Variants in RARB observed in about 807,000 individuals in gnomAD.
RARB encodes the protein HBV-activated protein.
RARB carries 17 observed loss-of-function variants against 51.9 expected under a neutral mutation model. The ratio of observed to expected loss-of-function variants is 0.33; its 90% CI spans 0.22 to 0.49. The LOEUF (loss-of-function observed/expected upper bound fraction) is 0.49, where lower values mean the gene tolerates loss of function less well. Among genes scored for constraint, RARB ranks in the 20% least tolerant of loss-of-function variants. RARB has a pLI of 0.99. For missense variants in RARB, 369 were observed against 550.8 expected (o/e 0.67, Z 3.30); for synonymous variants, 215 against 195.4 (o/e 1.10, Z -0.84).
chr3:25,034,782 A>G lies in RARB; in HGVS notation c.-379-25343A>G, dbSNP rs1281473500. 2.0e-5 allele frequency among the ~76,000 whole-genome samples: 3 copies of G among 152,170 alleles called. No homozygotes were observed. In the East Asian group the frequency reaches 5.8e-4, roughly 29 times the overall value. On this transcript the variant is annotated intron_variant, in intron 2 of 11. Transcript: ENST00000383772. ...TTGAAACATTTTTAATCAATTATCA[A>G]CCCTTAAAAATGGGAGATTTTGTGT...
chr3:25,438,198 AGAGT>A (rs1708512855), intron 1 of RARB, among the ~76,000 whole-genome samples: 1 of 152,150 alleles, frequency 6.6e-6, no homozygotes, highest in Non-Finnish European at 1.5e-5. Flanking sequence ...ATTCCGAGAG[AGAGT>A]GTTTCGAGAG....
chr3:24,916,656 G>A lies in RARB; in HGVS notation c.-380+57904G>A, dbSNP rs755437373. Among the ~76,000 whole-genome samples the A allele has an allele frequency of 2.0e-5, 3 of 151,268 alleles. No individual in the cohort carries two copies. The South Asian group carries it at 6.3e-4, about 32-fold the overall frequency. ...ACTGGAAATCTTCTGTGTTGCTCAT[G>A]TGAGTATAAAAGGGTATAACCATTT... On this transcript the variant is annotated intron_variant, in intron 2 of 11. Coordinates refer to the RARB transcript ENST00000383772.
intron 3 of RARB, among the ~76,000 whole-genome samples, chr3:25,525,206 A>G (rs1698595277): frequency 6.6e-6 from 1 of 152,196 alleles, no homozygotes; most frequent in Non-Finnish European, 1.5e-5. Context: ...ACACTCAAAG[A>G]TCTAGCTCAG....
chr3:25,553,894 C>G (rs1364967113), intron 3 of RARB, among the ~76,000 whole-genome samples: 2 of 152,122 alleles, frequency 1.3e-5, no homozygotes, highest in African/African-American at 4.8e-5. Flanking sequence ...TTAAACAGTA[C>G]TCGGCCCAGA....
At chr3:24,906,438 T>C (rs902830498) in intron 2 of RARB, among the ~76,000 whole-genome samples, 2 of 152,174 alleles carry the variant, frequency 1.3e-5, no homozygotes, top group Admixed American at 6.5e-5. Flanking sequence ...AAGACCAGGA[T>C]AGTTGAGATT....
chr3:25,265,345 A>G (rs745509266), intron 5 of RARB, among the ~76,000 whole-genome samples: 1 of 152,226 alleles, frequency 6.6e-6, no homozygotes, highest in Non-Finnish European at 1.5e-5. Context: ...ATGTTGATAA[A>G]TACATACATA....
chr3:24,872,077 T>A (rs1054158262), intron 2 of RARB, among the ~76,000 whole-genome samples: 14 of 152,144 alleles, frequency 9.2e-5, no homozygotes, highest in African/African-American at 3.4e-4. Context: ...TCATGACACT[T>A]CTTAAAGTCC....
intron 2 of RARB, among the ~76,000 whole-genome samples, chr3:25,489,895 C>T (rs66875718): frequency 0.049 from 7,388 of 152,296 alleles, 189 homozygotes; most frequent in East Asian, 0.064. Flanking sequence ...GTGTAGAGGT[C>T]GATACTCTTA....
chr3:24,917,125 G>C (rs577258441), intron 2 of RARB, among the ~76,000 whole-genome samples: 1 of 152,140 alleles, frequency 6.6e-6, no homozygotes, highest in Non-Finnish European at 1.5e-5. Flanking sequence ...AAGTCTTGGG[G>C]TATGAATTAT....
At position 25,272,092 on chromosome 3, in the gene RARB, A is replaced by C. The variant is rs550152792; in HGVS notation, c.178+97517A>C. Among the ~76,000 whole-genome samples the C allele has an allele frequency of 5.9e-5, 9 of 152,358 alleles. No individual in the cohort carries two copies. The South Asian group carries it at 1.9e-3, about 32-fold the overall frequency. On this transcript the variant is annotated intron_variant, in intron 5 of 11. Transcript: ENST00000383772. ...TGGCAATATTGAGTACTCAGCAGCC[A>C]TGTGCTAGTGGTAACCATATTAGAA...
intron 5 of RARB, among the ~76,000 whole-genome samples, chr3:25,254,260 A>G (rs1348463818): frequency 1.3e-5 from 2 of 152,134 alleles, no homozygotes; most frequent in African/African-American, 2.4e-5. Flanking sequence ...GGACTTCAAG[A>G]TTATTTCCTG....
intron 5 of RARB, among the ~76,000 whole-genome samples, chr3:25,412,753 C>T (rs1309675003): frequency 3.3e-5 from 5 of 152,206 alleles, no homozygotes; most frequent in Admixed American, 2.0e-4. Flanking sequence ...GGGGCAGTGG[C>T]TCATGCCTGT....
chr3:25,105,785 T>C (rs1699488271), intron 3 of RARB, among the ~76,000 whole-genome samples: 1 of 152,232 alleles, frequency 6.6e-6, no homozygotes, highest in African/African-American at 2.4e-5. Flanking sequence ...TAAGCATTGC[T>C]ATTATAAAGA....
chr3:25,475,925 A>T (rs891035644), intron 2 of RARB, among the ~76,000 whole-genome samples: 14 of 152,210 alleles, frequency 9.2e-5, no homozygotes, highest in African/African-American at 2.9e-4. Context: ...AATGGCTTCA[A>T]ATAGTAGTTG....
chr3:25,415,223 G>GT (rs533404321), intron 5 of RARB, among the ~76,000 whole-genome samples: 1,529 of 151,756 alleles, frequency 0.01, 34 homozygotes, highest in African/African-American at 0.035. Context: ...TAATTATTTT[G>GT]TTTTTTTTAT....
chr3:25,257,304 T>C (rs1456511753), intron 5 of RARB, among the ~76,000 whole-genome samples: 1 of 151,988 alleles, frequency 6.6e-6, no homozygotes, highest in African/African-American at 2.4e-5. Context: ...CTGGACTGTG[T>C]CCAGCACAGA....
chr3:25,244,421 T>A lies in RARB; in HGVS notation c.178+69846T>A, dbSNP rs150672252. On this transcript the variant is annotated intron_variant, in intron 5 of 11. Coordinates refer to the RARB transcript ENST00000383772. ...GTGATGTTAGGGTGTCAATTTTAGATCTTTCCCGCCTTCTCCTGTGGGTAT... is the reference window on the plus strand; with the variant it reads ...GTGATGTTAGGGTGTCAATTTTAGAACTTTCCCGCCTTCTCCTGTGGGTAT... Among the ~76,000 whole-genome samples the A allele has an allele frequency of 5.0e-3, 754 of 152,284 alleles. 13 individuals carry two copies. The highest frequency in any genetic ancestry group is 0.014 in the South Asian group (67 of 4,828).
chr3:25,368,088 CT>C (rs571610897), intron 5 of RARB, among the ~76,000 whole-genome samples: 1 of 152,150 alleles, frequency 6.6e-6, no homozygotes, highest in East Asian at 1.9e-4. Context: ...TTCTTTCTGA[CT>C]TTTTTAGGGG....
chr3:25,147,192 G>A (rs577195863), intron 4 of RARB, among the ~76,000 whole-genome samples: 78 of 152,224 alleles, frequency 5.1e-4, no homozygotes, highest in Admixed American at 1.3e-3. Context: ...TGCAACCCAG[G>A]TATCTATATT....
Sources: gnomAD v4.1 joint callset for allele counts (sites outside exome capture counted in the v4.1 genomes callset) on GRCh38, gnomAD v4.1.1 for gene constraint, MANE v1.5 for transcripts, NCBI Gene and HGNC (gene_info 2026-07-23, HGNC 2026-07-21) for gene names.